Variants in AGBL4 observed in about 807,000 individuals in gnomAD.
AGBL4 encodes the protein cytosolic carboxypeptidase 6.
AGBL4 carries 58 observed loss-of-function variants against 66.4 expected under a neutral mutation model. The ratio of observed to expected loss-of-function variants is 0.87; its 90% CI spans 0.71 to 1.09. The LOEUF is 1.09. Ranked by LOEUF, AGBL4 falls within the 50% of genes least tolerant of loss-of-function variation. The pLI is 0.00. For missense variants in AGBL4, 579 were observed against 631.0 expected (o/e 0.92, Z 0.88); for synonymous variants, 234 against 222.9 (o/e 1.05, Z -0.44).
intron 6 of AGBL4, among the ~76,000 whole-genome samples, chr1:48,700,660 T>A (rs1011713153): frequency 3.3e-5 from 5 of 152,166 alleles, no homozygotes; most frequent in African/African-American, 1.2e-4. Flanking sequence ...CAGGGCCATC[T>A]CTTATCTACC....
At chr1:49,420,784 C>T (rs1439805647) in intron 3 of AGBL4, among the ~76,000 whole-genome samples, 2 of 151,914 alleles carry the variant, frequency 1.3e-5, no homozygotes, top group African/African-American at 2.4e-5. Context: ...ATAACTGTAT[C>T]ATTCACTCAT....
intron 4 of AGBL4, among the ~76,000 whole-genome samples, chr1:49,134,992 G>A (rs905856882): frequency 2.6e-5 from 4 of 151,652 alleles, no homozygotes; most frequent in South Asian, 2.1e-4. Context: ...ATGAAGGTAC[G>A]TATACATATA....
chr1:48,853,472 C>A (rs932714993), intron 6 of AGBL4, among the ~76,000 whole-genome samples: 5 of 152,160 alleles, frequency 3.3e-5, no homozygotes, highest in African/African-American at 1.2e-4. Flanking sequence ...TATTTAAAAT[C>A]TATGGGTCAT....
At chr1:49,170,093 A>G (rs1646706698) in intron 4 of AGBL4, among the ~76,000 whole-genome samples, 1 of 151,662 alleles carries the variant, frequency 6.6e-6, no homozygotes, top group Non-Finnish European at 1.5e-5. Flanking sequence ...TGTACAATTC[A>G]TCCAGGTAAC....
chr1:49,722,761 C>G (rs1172868961), intron 2 of AGBL4, among the ~76,000 whole-genome samples: 3 of 152,094 alleles, frequency 2.0e-5, no homozygotes, highest in Non-Finnish European at 2.9e-5. Flanking sequence ...GGTAACTTTT[C>G]TATTCTAACT....
At chr1:49,447,472 G>A (rs1453829498) in intron 3 of AGBL4, among the ~76,000 whole-genome samples, 4 of 152,166 alleles carry the variant, frequency 2.6e-5, no homozygotes, top group African/African-American at 9.6e-5. Flanking sequence ...TATGCAAGCT[G>A]TGGTTCCCAG....
At chr1:49,310,581 T>G (rs1419164641) in intron 3 of AGBL4, among the ~76,000 whole-genome samples, 1 of 152,128 alleles carries the variant, frequency 6.6e-6, no homozygotes, top group Non-Finnish European at 1.5e-5. Flanking sequence ...TAAGCCTCTC[T>G]TTAATCTGTT....
At chr1:49,207,967 A>T (rs920964183) in intron 4 of AGBL4, among the ~76,000 whole-genome samples, 1 of 152,008 alleles carries the variant, frequency 6.6e-6, no homozygotes, top group Non-Finnish European at 1.5e-5. Flanking sequence ...TTCAACTCTT[A>T]CTTCTCATTT....
chr1:48,735,358 A>AGAGGGCATTGGCAAAGAATGGATGGATG (rs1355969705), intron 6 of AGBL4, among the ~76,000 whole-genome samples: 1 of 151,960 alleles, frequency 6.6e-6, no homozygotes, highest in African/African-American at 2.4e-5. Context: ...AATACCCATT[A>AGAGGGCATTGGCAAAGAATGGATGGATG]GAGGGCCTGG....
intron 4 of AGBL4, among the ~76,000 whole-genome samples, chr1:49,074,839 T>C (rs1644679757): frequency 6.6e-6 from 1 of 152,168 alleles, no homozygotes; most frequent in Admixed American, 6.5e-5. Context: ...AGGATACCTT[T>C]CAGGGCAAAT....
chr1:49,761,505 C>T (rs10788917), intron 2 of AGBL4, among the ~76,000 whole-genome samples: 79,816 of 152,040 alleles, frequency 0.52, 22,284 homozygotes, highest in Non-Finnish European at 0.62. Context: ...TTGAGACCTT[C>T]GTTAGTCTCT....
intron 4 of AGBL4, among the ~76,000 whole-genome samples, chr1:49,143,682 A>G (rs752746933): frequency 9.2e-5 from 14 of 152,218 alleles, no homozygotes; most frequent in Non-Finnish European, 2.9e-5. Context: ...TTATACATAA[A>G]TAGAAAACAG....
At chr1:49,066,362 G>C (rs1644492182) in intron 4 of AGBL4, among the ~76,000 whole-genome samples, 1 of 152,200 alleles carries the variant, frequency 6.6e-6, no homozygotes, top group Admixed American at 6.5e-5. Context: ...GACCATCCTT[G>C]CCAACATGGT....
intron 4 of AGBL4, among the ~76,000 whole-genome samples, chr1:49,127,664 T>A (rs1645793792): frequency 6.6e-6 from 1 of 152,030 alleles, no homozygotes; most frequent in Admixed American, 6.6e-5. Context: ...AACAGAGACA[T>A]TAGGATTTAT....
chr1:48,528,930 T>G (rs1034204795), downstream of AGBL4, among the ~76,000 whole-genome samples: 1 of 152,082 alleles, frequency 6.6e-6, no homozygotes, highest in African/African-American at 2.4e-5. Context: ...TCTAGTTATT[T>G]CAGCCTCACA....
chr1:49,335,587 C>T (rs1285208103), intron 3 of AGBL4, among the ~76,000 whole-genome samples: 1 of 151,768 alleles, frequency 6.6e-6, no homozygotes, highest in Non-Finnish European at 1.5e-5. Context: ...GCAATCTTGG[C>T]TCACTGCAAG....
chr1:49,400,085 A>T (rs1645052220), intron 3 of AGBL4, among the ~76,000 whole-genome samples: 1 of 152,154 alleles, frequency 6.6e-6, no homozygotes, highest in African/African-American at 2.4e-5. Context: ...TTCTAGTTTC[A>T]TTCTTCTGCA....
At chr1:49,656,269 A>G (rs916936527) in intron 3 of AGBL4, among the ~76,000 whole-genome samples, 3 of 152,200 alleles carry the variant, frequency 2.0e-5, no homozygotes, top group Admixed American at 6.5e-5. Flanking sequence ...AAATGGATAA[A>G]TTCCTCGACA....
chr1:49,974,302 C>A (rs1474391174), intron 1 of AGBL4, among the ~76,000 whole-genome samples: 1 of 151,926 alleles, frequency 6.6e-6, no homozygotes, highest in Non-Finnish European at 1.5e-5. Flanking sequence ...ATGGTGAAAC[C>A]AGGTGATTTA....
Sources: allele counts gnomAD v4.1 joint callset (sites outside exome capture counted in the v4.1 genomes callset), GRCh38; gene constraint gnomAD v4.1.1; transcripts MANE v1.5; gene names NCBI Gene and HGNC (gene_info 2026-07-23, HGNC 2026-07-21).